The following ANKRD44 variants were observed in gnomAD, a reference collection of about 807,000 sequenced individuals.
The protein encoded by ANKRD44 is serine/threonine-protein phosphatase 6 regulatory ankyrin repeat subunit B.
ANKRD44 carries 35 observed loss-of-function variants against 116.0 expected under a neutral mutation model. That is an observed-to-expected ratio of 0.30 (90% confidence interval 0.23 to 0.40). The LOEUF is 0.40. ANKRD44 is among the 10% of genes least tolerant of loss of function. The probability of loss-of-function intolerance (pLI) is 1.00; values close to 1 mark genes in which losing one functional copy is unlikely to be tolerated. For missense variants in ANKRD44, 1,014 were observed against 1,242.6 expected (o/e 0.82, Z 2.77); for synonymous variants, 435 against 461.8 (o/e 0.94, Z 0.74).
intron 1 of ANKRD44, among the ~76,000 whole-genome samples, chr2:197,284,153 A>G (rs1398689595): frequency 6.6e-6 from 1 of 152,190 alleles, no homozygotes; most frequent in East Asian, 1.9e-4. Context: ...AAAGACATCT[A>G]TACCTATTGA....
At chr2:197,289,013 G>A (rs1574453406) in intron 1 of ANKRD44, among the ~76,000 whole-genome samples, 1 of 152,234 alleles carries the variant, frequency 6.6e-6, no homozygotes, top group Middle Eastern at 3.4e-3. Flanking sequence ...ATTATACCTA[G>A]CAACAATATT....
intron 2 of ANKRD44, among the ~76,000 whole-genome samples, chr2:197,164,800 G>A (rs2080066277): frequency 6.6e-6 from 1 of 151,904 alleles, no homozygotes; most frequent in African/African-American, 2.4e-5. Context: ...CTTCCTCTGT[G>A]TTCCCTGGGT....
At chr2:197,229,001 C>G (rs1175006532) in intron 1 of ANKRD44, among the ~76,000 whole-genome samples, 1 of 152,238 alleles carries the variant, frequency 6.6e-6, no homozygotes, top group African/African-American at 2.4e-5. Flanking sequence ...TGCCATTGCA[C>G]TCCAGCCTGG....
At chr2:197,061,584 C>T (rs2077314026) in intron 16 of ANKRD44, among the ~76,000 whole-genome samples, 1 of 152,176 alleles carries the variant, frequency 6.6e-6, no homozygotes, top group African/African-American at 2.4e-5. Flanking sequence ...GCTGAAAGCC[C>T]TTCCGAAGGA....
rs75918130 is a variant in ANKRD44, at chr2:197,058,475, C to T, written c.1650+20228G>A. ...AAAGCCTTTTTAAATAGAGAAGGGA[C>T]GTTATACAAGATGAGGAAAAAATAA... On this transcript the variant is annotated intron_variant, in intron 16 of 27. Transcript: ENST00000282272. 3.5e-3 allele frequency among the ~76,000 whole-genome samples: 525 copies of T among 149,844 alleles called. 5 individuals carry two copies. Among genetic ancestry groups the T allele is most frequent in the Non-Finnish European group, 5.2e-3 (354 of 67,678 alleles).
At chr2:197,132,566 T>A (rs1226620893) in intron 4 of ANKRD44, among the ~76,000 whole-genome samples, 1 of 152,170 alleles carries the variant, frequency 6.6e-6, no homozygotes, top group Non-Finnish European at 1.5e-5. Flanking sequence ...TAGACTGATA[T>A]CTGTGTTATA....
intron 1 of ANKRD44, among the ~76,000 whole-genome samples, chr2:197,305,406 T>A (rs2084039454): frequency 6.6e-6 from 1 of 152,252 alleles, no homozygotes; most frequent in Admixed American, 6.5e-5. Flanking sequence ...CACAAAATTA[T>A]CAGATCTCTG....
At chr2:197,199,599 A>G (rs2081046580) in intron 1 of ANKRD44, among the ~76,000 whole-genome samples, 1 of 152,170 alleles carries the variant, frequency 6.6e-6, no homozygotes, top group South Asian at 2.1e-4. Context: ...GGATTTTACT[A>G]TTTCCCACAC....
At chr2:197,173,451 G>A (rs987675115) in intron 2 of ANKRD44, among the ~76,000 whole-genome samples, 3 of 152,128 alleles carry the variant, frequency 2.0e-5, no homozygotes, top group Non-Finnish European at 4.4e-5. Flanking sequence ...ATTTGAAGTC[G>A]AGTTGTCATG....
At chr2:197,276,724 T>C (rs1396304822) in intron 1 of ANKRD44, among the ~76,000 whole-genome samples, 1 of 152,158 alleles carries the variant, frequency 6.6e-6, no homozygotes, top group African/African-American at 2.4e-5. Flanking sequence ...TGAGTTTCCA[T>C]TTCAGGAAGA....
chr2:197,044,729 C>G (rs948093775), intron 16 of ANKRD44, among the ~76,000 whole-genome samples: 33 of 152,074 alleles, frequency 2.2e-4, no homozygotes, highest in Non-Finnish European at 1.5e-5. Flanking sequence ...TTAATTCTAA[C>G]AACACACCAA....
In ANKRD44 at chr2:196,988,873, G is replaced by A; in HGVS notation, c.*718C>T. ...ATGTGAGCTTTTCAGTGTACTTAGG[G>A]TAATTTCTAGATATTTCTTTGTGCT... On this transcript the variant is annotated 3_prime_UTR_variant, in exon 28 of 28. Transcript: ENST00000282272. 3.0e-6 allele frequency: 3 copies of A among 985,392 alleles called. No individual in the cohort carries two copies. The highest frequency in any genetic ancestry group is 4.7e-5 in the South Asian group (1 of 21,282). The allele number at this position is 985,392 out of a possible 1,614,324, so 61.0% of individuals were successfully genotyped here.
chr2:197,091,923 T>C (rs2078052020), intron 10 of ANKRD44, among the ~76,000 whole-genome samples: 1 of 152,176 alleles, frequency 6.6e-6, no homozygotes, highest in Non-Finnish European at 1.5e-5. Context: ...TAGTAGTATT[T>C]AAGAGAAAAT....
chr2:197,273,312 G>A (rs1044815733), intron 1 of ANKRD44, among the ~76,000 whole-genome samples: 3 of 152,116 alleles, frequency 2.0e-5, no homozygotes, highest in African/African-American at 2.4e-5. Flanking sequence ...TAGTTAACCC[G>A]ATTTTTTTAA....
intron 26 of ANKRD44, 78 bp from the exon 27 acceptor site, chr2:196,993,752 T>A: frequency 8.4e-7 from 1 of 1,194,860 alleles, no homozygotes; most frequent in Non-Finnish European, 1.2e-6. Context: ...CCCATGTCAC[T>A]AAAAGGAAGA....
intron 16 of ANKRD44, among the ~76,000 whole-genome samples, chr2:197,035,097 C>T (rs139546317): frequency 1.3e-5 from 2 of 152,156 alleles, no homozygotes; most frequent in African/African-American, 4.8e-5. Context: ...TAAATTTAAG[C>T]CTCTTCTACA....
At position 197,186,612 on chromosome 2, in the gene ANKRD44, C is replaced by CTTTTTTTTTTTTTT. The variant is rs149107038; in HGVS notation, c.111+397_111+410dup. 1.4e-3 allele frequency among the ~76,000 whole-genome samples: 70 copies of CTTTTTTTTTTTTTT among 50,804 alleles called. 16 individuals are homozygous for CTTTTTTTTTTTTTT. The highest frequency in any genetic ancestry group is 2.3e-3 in the Non-Finnish European group (52 of 22,762). 33.3% of individuals were successfully genotyped at this position (50,804 alleles called of 152,430 possible). A position where few individuals can be genotyped will look rare whatever the true frequency, so the allele number is the denominator to read the frequency against. ...CCATCACTATGCCCGGCTAATTTTT[C>CTTTTTTTTTTTTTT]TTTTTTTTTTTTTTTTTTTTTTTTT... is the stretch of plus-strand genomic sequence containing the variant. On this transcript the variant is annotated intron_variant, in intron 2 of 27. Transcript: ENST00000282272.
chr2:197,030,162 T>A (rs1354723398), intron 16 of ANKRD44: 1 of 152,514 alleles, frequency 6.6e-6, no homozygotes. Context: ...AAGGGAGAGT[T>A]ATCTGGCAAA....
chr2:197,088,362 T>C (rs1343095624), intron 12 of ANKRD44, among the ~76,000 whole-genome samples: 2 of 152,164 alleles, frequency 1.3e-5, no homozygotes, highest in African/African-American at 4.8e-5. Context: ...ATCACCCACA[T>C]AACAGCAACA....
Sources: allele counts gnomAD v4.1 joint callset (sites outside exome capture counted in the v4.1 genomes callset), GRCh38; gene constraint gnomAD v4.1.1; transcripts MANE v1.5; gene names NCBI Gene and HGNC (gene_info 2026-07-23, HGNC 2026-07-21).